Variants in IMPG1 observed in about 807,000 individuals in gnomAD.
IMPG1 encodes the protein interphotoreceptor matrix proteoglycan 1, also known as interphotoreceptor matrix proteoglycan of 150 kDa.
Under a neutral mutation model 92.0 loss-of-function variants are expected in IMPG1, and 85 were observed. The observed-to-expected ratio is 0.92, with a 90% CI of 0.78 to 1.11. IMPG1 has a LOEUF of 1.11. IMPG1 is among the 50% of genes least tolerant of loss of function. The pLI is 0.00. For missense variants in IMPG1, 1,022 were observed against 956.0 expected, an observed-to-expected ratio of 1.07 and a Z score of -0.91; for synonymous variants, 367 against 334.1, an observed-to-expected ratio of 1.10 and a Z score of -1.08.
intron 12 of IMPG1, among the ~76,000 whole-genome samples, chr6:75,974,208 G>C (rs1290210540): frequency 1.3e-5 from 2 of 152,086 alleles, no homozygotes; most frequent in Non-Finnish European, 2.9e-5. Context: ...GCTTTCATAA[G>C]AATATTACAA....
intron 13 of IMPG1, among the ~76,000 whole-genome samples, chr6:75,950,022 A>T (rs1781997624): frequency 6.6e-6 from 1 of 152,204 alleles, no homozygotes; most frequent in African/African-American, 2.4e-5. Flanking sequence ...GTATCTTATT[A>T]TCAAAGATAT....
At chr6:76,054,502 A>C (rs937173625) in intron 1 of IMPG1, among the ~76,000 whole-genome samples, 2 of 152,198 alleles carry the variant, frequency 1.3e-5, no homozygotes, top group African/African-American at 4.8e-5. Flanking sequence ...TTGCTGTTTT[A>C]AGAGGCATAT....
intron 12 of IMPG1, among the ~76,000 whole-genome samples, chr6:75,959,088 A>C (rs6932449): frequency 9.9e-5 from 15 of 151,870 alleles, no homozygotes; most frequent in Non-Finnish European, 1.6e-4. Context: ...TGTTGTTGTT[A>C]ATGCTATTCA....
At chr6:76,001,756 C>A (rs931350692) in intron 12 of IMPG1, among the ~76,000 whole-genome samples, 5 of 152,156 alleles carry the variant, frequency 3.3e-5, no homozygotes, top group South Asian at 2.1e-4. Flanking sequence ...CTGATCCCTG[C>A]CAAAATTACA....
At chr6:76,000,890 G>T (rs1481526039) in intron 12 of IMPG1, among the ~76,000 whole-genome samples, 1 of 152,194 alleles carries the variant, frequency 6.6e-6, no homozygotes, top group Non-Finnish European at 1.5e-5. Context: ...TGGTTTGAGG[G>T]CAAAGCAAGT....
intron 14 of IMPG1, among the ~76,000 whole-genome samples, chr6:75,946,111 C>T (rs995478709): frequency 1.3e-5 from 2 of 152,148 alleles, no homozygotes. Flanking sequence ...AGTAGTTTTC[C>T]GGGGAAGAGG....
intron 1 of IMPG1, among the ~76,000 whole-genome samples, chr6:76,061,635 A>C (rs149052595): frequency 6.6e-6 from 1 of 152,234 alleles, no homozygotes; most frequent in African/African-American, 2.4e-5. Context: ...GTATAACCAA[A>C]TGTAATGTAA....
intron 14 of IMPG1, among the ~76,000 whole-genome samples, chr6:75,938,400 C>T (rs980703805): frequency 2.6e-5 from 4 of 152,330 alleles, no homozygotes; most frequent in African/African-American, 7.2e-5. Flanking sequence ...TCTACCCTGA[C>T]ATTAAGCAAA....
chr6:76,018,983 A>T (rs1783366512), intron 6 of IMPG1, 125 bp from the exon 7 acceptor site: 1 of 878,680 alleles, frequency 1.1e-6, no homozygotes, highest in East Asian at 3.0e-5. Context: ...TTTTGCAATC[A>T]AAATCCTTTT....
At position 75,971,746 on chromosome 6, in the gene IMPG1, T is replaced by G. The variant is rs1782421794; in HGVS notation, c.1292-20652A>C. Among the ~76,000 whole-genome samples the G allele has an allele frequency of 2.0e-5, 3 of 152,212 alleles. No individual in the cohort carries two copies. In the South Asian group the frequency reaches 6.2e-4, roughly 32 times the overall value. ...TCATAGGGACCTCTGCCTTCTATAT[T>G]GTCTTTGCAACCTCTTAGTGGTAGA... On this transcript the variant is annotated intron_variant, in intron 12 of 16. Transcript: ENST00000369950.
intron 12 of IMPG1, among the ~76,000 whole-genome samples, chr6:75,996,616 G>A (rs1029096502): frequency 5.3e-5 from 8 of 152,174 alleles, no homozygotes; most frequent in African/African-American, 1.9e-4. Context: ...GGCTTTGAGG[G>A]AATGAGGGCT....
In IMPG1 at chr6:76,015,598, C is replaced by T. The variant is rs149098408; in HGVS notation, c.807+3120G>A. The stretch of plus-strand genomic sequence containing the variant: ...GGTGGATCACCTGAGGTCAGGAGTT[C>T]GAGACCAGCTTGATCAACACGGTGA... On this transcript the variant is annotated intron_variant, in intron 7 of 16. Coordinates refer to ENST00000369950, the MANE Select transcript of IMPG1 (RefSeq NM_001563.4). 4.0e-3 allele frequency among the ~76,000 whole-genome samples: 610 copies of T among 151,620 alleles called. 17 individuals carry two copies. In the East Asian group the frequency reaches 0.073, roughly 18 times the overall value.
chr6:76,002,951 C>G lies in IMPG1; in HGVS notation c.1258G>C (p.Glu420Gln). The change falls in exon 12 of 17, where the codon GAG becomes CAG. Residue 420 changes from glutamate (E) to glutamine (Q), a missense_variant. By Grantham distance (29) the Glu-to-Gln change is conservative. This residue lies in a region of IMPG1 where 681 missense variants were observed against 583.6 expected (regional missense o/e 1.17). Coordinates refer to ENST00000369950, the MANE Select transcript of IMPG1 (RefSeq NM_001563.4). ...PELPPVEPQL[E>Q]TVDGAEHGLP... ...CCATGCTCTGCTCCGTCCACTGTCT[C>G]AAGCTGGGGTTCAACAGGAGGAAGT... is the stretch of plus-strand genomic sequence containing the variant. 1 of 1,613,794 alleles carries G rather than the reference C, an allele frequency of 6.2e-7. No homozygotes were observed. Among genetic ancestry groups the G allele is most frequent in the Non-Finnish European group, 8.5e-7 (1 of 1,179,790 alleles).
chr6:75,978,144 T>C (rs2149468551), intron 12 of IMPG1, among the ~76,000 whole-genome samples: 1 of 152,258 alleles, frequency 6.6e-6, no homozygotes, highest in Non-Finnish European at 1.5e-5. Flanking sequence ...TACAAATTTA[T>C]ATTTCCCACA....
intron 7 of IMPG1, among the ~76,000 whole-genome samples, chr6:76,014,904 G>A (rs1783257740): frequency 6.6e-6 from 1 of 152,204 alleles, no homozygotes; most frequent in Admixed American, 6.5e-5. Context: ...TTGTTTAGGA[G>A]TGTGAGGAAG....
Position 75,944,815 on chromosome 6 carries a change from T to C in IMPG1, c.2044+2499A>G, listed in dbSNP as rs1781898393. Among the ~76,000 whole-genome samples the C allele has an allele frequency of 2.0e-5, 3 of 152,234 alleles. No individual in the cohort carries two copies. In the South Asian group the frequency reaches 6.2e-4, roughly 32 times the overall value. On this transcript the variant is annotated intron_variant, in intron 14 of 16. Coordinates refer to ENST00000369950, the MANE Select transcript of IMPG1 (RefSeq NM_001563.4). Reference sequence around the variant, plus strand: ...TCTCCTGGCTTTACATGTTAATTTCTTCAAAAGTATTTGAGTTGGTGCAGG... The same window carrying C: ...TCTCCTGGCTTTACATGTTAATTTCCTCAAAAGTATTTGAGTTGGTGCAGG...
intron 5 of IMPG1, among the ~76,000 whole-genome samples, chr6:76,024,332 A>G (rs1426337147): frequency 1.3e-5 from 2 of 152,188 alleles, no homozygotes; most frequent in Admixed American, 6.5e-5. Context: ...ATTACCAAAA[A>G]TCAAATGAAC....
At chr6:76,051,874 T>C (rs1784048832) in intron 1 of IMPG1, among the ~76,000 whole-genome samples, 1 of 152,088 alleles carries the variant, frequency 6.6e-6, no homozygotes, top group Non-Finnish European at 1.5e-5. Flanking sequence ...CAGAAGGAAA[T>C]GGTTAGGACC....
intron 1 of IMPG1, among the ~76,000 whole-genome samples, chr6:76,058,295 G>A (rs1053697928): frequency 1.3e-5 from 2 of 152,128 alleles, no homozygotes; most frequent in Admixed American, 1.3e-4. Flanking sequence ...GAGAAACTTT[G>A]AAGTAGAGAG....
Sources: allele counts gnomAD v4.1 joint callset (sites outside exome capture counted in the v4.1 genomes callset), GRCh38; gene constraint gnomAD v4.1.1; regional missense constraint gnomAD v4.1.1; transcripts MANE v1.5; gene names NCBI Gene and HGNC (gene_info 2026-07-23, HGNC 2026-07-21).